Variants in DEFB124 observed in about 807,000 individuals in gnomAD.
The protein encoded by DEFB124 is defensin beta 124.
For missense variants in DEFB124, 78 were observed against 83.1 expected (o/e 0.94, Z 0.24); for synonymous variants, 38 against 36.5 (o/e 1.04, Z -0.15).
At chr20:31,466,578 C>T (rs1361597409) in intron 2 of DEFB124, among the ~76,000 whole-genome samples, 3 of 124,172 alleles carry the variant, frequency 2.4e-5, no homozygotes, top group Admixed American at 1.5e-4. Context: ...GCAGCCTTGG[C>T]GACAAACTAA....
chr20:31,470,682 A>C (rs866453284), intron 2 of DEFB124, among the ~76,000 whole-genome samples: 1 of 100,440 alleles, frequency 1.0e-5, no homozygotes, highest in African/African-American at 3.6e-5. Flanking sequence ...CCTCCCGGAC[A>C]GGGCGGCTGG....
chr20:31,472,987 C>T lies in DEFB124; in HGVS notation c.27G>A (p.Val9=). The T allele has an allele frequency of 6.2e-7, 1 of 1,614,068 alleles. No homozygotes were observed. The highest frequency in any genetic ancestry group is 8.5e-7 in the Non-Finnish European group (1 of 1,180,024). ...GCACATGACCCAGAACCAGGAGAGC[C>T]ACAAGGAACAGAAGCAGCTGTGTCA... is the stretch of plus-strand genomic sequence containing the variant. MTQLLLFL[V]ALLVLGHVPS... is the part of the protein sequence containing the mutation. The change falls in exon 2 of 3, where the codon GTG becomes GTA. Residue 9 remains valine, a synonymous_variant. Coordinates refer to ENST00000317676, the MANE Select transcript of DEFB124 (RefSeq NM_001037500.2).
chr20:31,472,820 C>T (rs1980370973), intron 2 of DEFB124, 136 bp downstream of exon 2: 2 of 1,122,394 alleles, frequency 1.8e-6, no homozygotes, highest in African/African-American at 1.6e-5. Flanking sequence ...AAGTTGCCCA[C>T]CAAGTCAGTG....
At chr20:31,469,090 G>C (rs1383614648) in intron 2 of DEFB124, among the ~76,000 whole-genome samples, 1 of 152,058 alleles carries the variant, frequency 6.6e-6, no homozygotes. Context: ...CTACTTTCAT[G>C]TATATGTGAA....
At chr20:31,473,554 A>T (rs1568759480) in intron 1 of DEFB124, among the ~76,000 whole-genome samples, 1 of 152,246 alleles carries the variant, frequency 6.6e-6, no homozygotes, top group South Asian at 2.1e-4. Context: ...TAGGGGACTA[A>T]ATGAAGTAAT....
intron 2 of DEFB124, 69 bp from the exon 3 acceptor site, chr20:31,465,732 TAG>T (rs1980067218): frequency 3.2e-6 from 5 of 1,564,106 alleles, no homozygotes; most frequent in South Asian, 1.2e-5. Flanking sequence ...GGTCACAAGT[TAG>T]GCCACAGATT....
intron 2 of DEFB124, chr20:31,472,685 T>C (rs1464845475): frequency 9.8e-6 from 4 of 409,982 alleles, no homozygotes; most frequent in Non-Finnish European, 1.7e-5. Flanking sequence ...TTCTTTTCTT[T>C]CACTGCTACA....
chr20:31,469,420 A>G (rs192111685), intron 2 of DEFB124, among the ~76,000 whole-genome samples: 3 of 152,332 alleles, frequency 2.0e-5, no homozygotes, highest in Admixed American at 6.5e-5. Flanking sequence ...CATCTCAAAA[A>G]GTAGAAAAAG....
chr20:31,469,503 T>C (rs2122448772), intron 2 of DEFB124, among the ~76,000 whole-genome samples: 1 of 151,842 alleles, frequency 6.6e-6, no homozygotes, highest in South Asian at 2.1e-4. Flanking sequence ...CAGAGGGGGA[T>C]TTGGCAGGGT....
chr20:31,470,403 G>A (rs1253062168), intron 2 of DEFB124, among the ~76,000 whole-genome samples: 8 of 138,962 alleles, frequency 5.8e-5, no homozygotes, highest in East Asian at 2.2e-4. Context: ...CCTCCCTCCC[G>A]GACGGGGCGG....
In DEFB124 at chr20:31,468,529, G is replaced by A. The variant is rs145880850; in HGVS notation, c.59-2866C>T. ...TCTCACTCTGTTGCCAGGCTGGAGAGCAGTGGCGCAATCACGGCTCACTGC... is the reference window on the plus strand; with the variant it reads ...TCTCACTCTGTTGCCAGGCTGGAGAACAGTGGCGCAATCACGGCTCACTGC... On this transcript the variant is annotated intron_variant, in intron 2 of 2. Transcript: ENST00000317676. Among the ~76,000 whole-genome samples, 1,062 of 151,590 alleles carry A rather than the reference G, an allele frequency of 7.0e-3. 15 individuals carry two copies. Among genetic ancestry groups the A allele is most frequent in the African/African-American group, 0.024 (995 of 41,286 alleles).
At chr20:31,474,502 G>T (rs1980420425) in intron 1 of DEFB124, among the ~76,000 whole-genome samples, 125 bp downstream of exon 1, 1 of 152,180 alleles carries the variant, frequency 6.6e-6, no homozygotes, top group Admixed American at 6.6e-5. Flanking sequence ...GGTCTCCATG[G>T]GCTCCACACA....
At chr20:31,469,335 A>T (rs1388776608) in intron 2 of DEFB124, among the ~76,000 whole-genome samples, 1 of 152,236 alleles carries the variant, frequency 6.6e-6, no homozygotes, top group East Asian at 1.9e-4. Flanking sequence ...AGGCAGGAGA[A>T]TCGCTTGAAC....
rs1325123644 is a variant in DEFB124, at chr20:31,474,667, G to C, written c.-66C>G. 6.6e-6 allele frequency among the ~76,000 whole-genome samples: 1 copy of C among 152,116 alleles called. No homozygotes were observed. The highest frequency in any genetic ancestry group is 1.5e-5 in the Non-Finnish European group (1 of 68,022). On this transcript the variant is annotated 5_prime_UTR_variant, in exon 1 of 3. Transcript: ENST00000317676. ...TTTTCAGCCATCAGTAATAGAAACAGTAGACAGAGTGGCAGAGACCTCAGG... is the reference window on the plus strand; with the variant it reads ...TTTTCAGCCATCAGTAATAGAAACACTAGACAGAGTGGCAGAGACCTCAGG...
chr20:31,470,671 C>T (rs1380352439), intron 2 of DEFB124, among the ~76,000 whole-genome samples: 1 of 138,830 alleles, frequency 7.2e-6, no homozygotes, highest in Non-Finnish European at 1.6e-5. Flanking sequence ...CCCCCCACCT[C>T]CCTCCCGGAC....
At chr20:31,472,773 G>A (rs1980370256) in intron 2 of DEFB124, 183 bp downstream of exon 2, 2 of 515,916 alleles carry the variant, frequency 3.9e-6, no homozygotes, top group Admixed American at 3.7e-5. Context: ...TTATAGATTA[G>A]GAAACTGAGG....
At chr20:31,471,161 C>A (rs1389250708) in intron 2 of DEFB124, among the ~76,000 whole-genome samples, 1 of 133,742 alleles carries the variant, frequency 7.5e-6, no homozygotes, top group Admixed American at 7.2e-5. Flanking sequence ...CCCTCCCGGA[C>A]GAGGCGGCTG....
intron 2 of DEFB124, among the ~76,000 whole-genome samples, chr20:31,471,846 G>T (rs1030999109): frequency 6.6e-6 from 1 of 151,066 alleles, no homozygotes; most frequent in African/African-American, 2.4e-5. Context: ...AGATGGGATG[G>T]CTGCCGGGAA....
Position 31,473,023 on chromosome 20 carries a change from G to T in DEFB124, c.-10C>A, listed in dbSNP as rs142554667. The stretch of plus-strand genomic sequence containing the variant: ...GAAGCAGCTGTGTCATGGCCACGGG[G>T]CTCCTGGGGAGGCTGCTGGAGAGAG... On this transcript the variant is annotated 5_prime_UTR_variant, in exon 2 of 3. Coordinates refer to ENST00000317676, the MANE Select transcript of DEFB124 (RefSeq NM_001037500.2). 1.6e-5 allele frequency: 26 copies of T among 1,613,804 alleles called. No individual in the cohort carries two copies. Among genetic ancestry groups the T allele is most frequent in the Middle Eastern group, 3.3e-4 (2 of 6,028 alleles).
Sources: gnomAD v4.1 joint callset for allele counts (sites outside exome capture counted in the v4.1 genomes callset) on GRCh38, gnomAD v4.1.1 for gene constraint, MANE v1.5 for transcripts, NCBI Gene and HGNC (gene_info 2026-07-23, HGNC 2026-07-21) for gene names.